The following SCN10A variants were observed in gnomAD, a reference collection of about 807,000 sequenced individuals.
The protein encoded by SCN10A is sodium voltage-gated channel alpha subunit 10.
A neutral mutation model predicts 170.7 loss-of-function variants in SCN10A; 162 were observed. The observed-to-expected ratio is 0.95, with a 90% CI of 0.84 to 1.08. The LOEUF is 1.08. SCN10A is among the 50% of genes least tolerant of loss of function. SCN10A has a pLI of 0.00. For missense variants in SCN10A, 2,527 were observed against 2,436.9 expected (o/e 1.04, Z -0.78); for synonymous variants, 985 against 904.6 (o/e 1.09, Z -1.59).
At chr3:38,737,777 T>TCTCC (rs1301172758) in intron 15 of SCN10A, among the ~76,000 whole-genome samples, 10 of 75,736 alleles carry the variant, frequency 1.3e-4, no homozygotes, top group Non-Finnish European at 1.9e-4. Flanking sequence ...TCCCTCTCTC[T>TCTCC]CTCCCTCCCT....
At chr3:38,725,018 G>A (rs1360307962) in intron 18 of SCN10A, among the ~76,000 whole-genome samples, 156 bp downstream of exon 18, 1 of 152,180 alleles carries the variant, frequency 6.6e-6, no homozygotes, top group Non-Finnish European at 1.5e-5. Context: ...CCGGAGGTTG[G>A]GAGGGACTTT....
At chr3:38,744,820 A>G (rs1403343042) in intron 13 of SCN10A, among the ~76,000 whole-genome samples, 3 of 152,168 alleles carry the variant, frequency 2.0e-5, no homozygotes, top group African/African-American at 7.2e-5. Context: ...TGTTATTACC[A>G]TTTATGTTCA....
rs200761212 is a variant in SCN10A at position 38,698,244 on chromosome 3, G to A, written c.4976C>T (p.Thr1659Met). Reference sequence around the variant, plus strand: ...GAGGAGGCCATCCCAGCCGGCCGACGTGGTAATCTGGAAGAGGCACAGCAT... The same window carrying A: ...GAGGAGGCCATCCCAGCCGGCCGACATGGTAATCTGGAAGAGGCACAGCAT... ...NSMLCLFQIT[T>M]SAGWDGLLSP... The change falls in exon 28 of 28, where the codon ACG becomes ATG. Residue 1659 changes from threonine (T) to methionine (M), a missense_variant. By Grantham distance (81) the Thr-to-Met change is moderately conservative (BLOSUM62 -1). Coordinates refer to ENST00000449082, the MANE Select transcript of SCN10A (RefSeq NM_006514.4). 5.3e-5 allele frequency: 86 copies of A among 1,614,160 alleles called. No homozygotes were observed. Among genetic ancestry groups the A allele is most frequent in the South Asian group, 8.8e-5 (8 of 91,070 alleles).
At chr3:38,789,763 A>C (rs1262989614) in intron 3 of SCN10A, among the ~76,000 whole-genome samples, 1 of 152,096 alleles carries the variant, frequency 6.6e-6, no homozygotes, top group Non-Finnish European at 1.5e-5. Context: ...AGGGATTATC[A>C]AAAGGGGAGG....
At chr3:38,751,402 G>A (rs989666677) in intron 12 of SCN10A, among the ~76,000 whole-genome samples, 1 of 152,176 alleles carries the variant, frequency 6.6e-6, no homozygotes, top group Non-Finnish European at 1.5e-5. Flanking sequence ...TTAGCCCATC[G>A]GAGTGGTCCA....
At chr3:38,731,173 A>G (rs1362720565) in intron 15 of SCN10A, among the ~76,000 whole-genome samples, 2 of 152,210 alleles carry the variant, frequency 1.3e-5, no homozygotes, top group African/African-American at 4.8e-5. Context: ...GCAACAATGG[A>G]GGCTAATTGT....
At chr3:38,802,845 C>T (rs1396174532) in intron 1 of SCN10A, among the ~76,000 whole-genome samples, 1 of 152,090 alleles carries the variant, frequency 6.6e-6, no homozygotes, top group African/African-American at 2.4e-5. Flanking sequence ...AAGAAACTAC[C>T]ATCAGAGTGA....
At position 38,697,182 on chromosome 3, in the gene SCN10A, G is replaced by GT; in HGVS notation, c.*166dup. 9.3e-7 allele frequency: 1 copy of GT among 1,069,730 alleles called. No homozygotes were observed. The highest frequency in any genetic ancestry group is 1.7e-5 in the South Asian group (1 of 58,274). 66.3% of individuals were successfully genotyped at this position (1,069,730 alleles called of 1,614,324 possible). ...TTCTGACTCCTATTTGTGTATGATG[G>GT]TTTTTTCAAAGGTGGTTACCAGTTG... On this transcript the variant is annotated 3_prime_UTR_variant, in exon 28 of 28. Coordinates refer to ENST00000449082, the MANE Select transcript of SCN10A (RefSeq NM_006514.4).
intron 4 of SCN10A, among the ~76,000 whole-genome samples, chr3:38,780,025 A>G (rs1420221833): frequency 6.6e-6 from 1 of 151,910 alleles, no homozygotes; most frequent in Non-Finnish European, 1.5e-5. Flanking sequence ...CATTATATTA[A>G]TTATATTACT....
At chr3:38,776,246 C>A (rs1440142441) in intron 4 of SCN10A, among the ~76,000 whole-genome samples, 1 of 152,100 alleles carries the variant, frequency 6.6e-6, no homozygotes, top group Non-Finnish European at 1.5e-5. Context: ...CCACTTGTCT[C>A]ATGACAAACA....
chr3:38,704,186 C>T (rs139621796), intron 26 of SCN10A, among the ~76,000 whole-genome samples: 2 of 152,126 alleles, frequency 1.3e-5, no homozygotes, highest in African/African-American at 2.4e-5. Context: ...CTGATCCTTG[C>T]CTTCTGCTTC....
At position 38,798,906 on chromosome 3, in the gene SCN10A, C is replaced by G. The variant is rs576772401; in HGVS notation, c.-32-4864G>C. Among the ~76,000 whole-genome samples, 7 of 151,352 alleles carry G rather than the reference C, an allele frequency of 4.6e-5. No individual in the cohort carries two copies. The East Asian group carries it at 1.4e-3, about 30-fold the overall frequency. On this transcript the variant is annotated intron_variant, in intron 1 of 27. Coordinates refer to ENST00000449082, the MANE Select transcript of SCN10A (RefSeq NM_006514.4). ...CCATGTTCAAGTGATCCTCCCACCT[C>G]AGCCTCCCAAGTAGTGGAACTACAG... is the stretch of plus-strand genomic sequence containing the variant.
chr3:38,811,942 C>T (rs7625973), intron 1 of SCN10A, among the ~76,000 whole-genome samples: 71,758 of 152,066 alleles, frequency 0.47, 18,623 homozygotes, highest in African/African-American at 0.7. Flanking sequence ...CAGGATGTCC[C>T]GAGCCCCCTG....
At chr3:38,719,454 C>A (rs1401296715) in intron 20 of SCN10A, among the ~76,000 whole-genome samples, 1 of 130,150 alleles carries the variant, frequency 7.7e-6, no homozygotes, top group Non-Finnish European at 1.6e-5. Flanking sequence ...AGTGCAGTAG[C>A]GGGATCTCGG....
At chr3:38,709,299 A>C (rs1020290389) in intron 25 of SCN10A, among the ~76,000 whole-genome samples, 179 bp downstream of exon 25, 26 of 152,174 alleles carry the variant, frequency 1.7e-4, no homozygotes, top group African/African-American at 5.6e-4. Context: ...GGCATTGCTG[A>C]CAGAGAGAAA....
chr3:38,729,371 A>T (rs969355328), intron 15 of SCN10A, among the ~76,000 whole-genome samples: 1 of 152,102 alleles, frequency 6.6e-6, no homozygotes, highest in African/African-American at 2.4e-5. Flanking sequence ...GGCATTTCTC[A>T]TCTTGGGGCA....
At position 38,793,906 on chromosome 3, in the gene SCN10A, C is replaced by T; in HGVS notation, c.105G>A (p.Lys35=). 5 of 1,614,134 alleles carry T rather than the reference C, an allele frequency of 3.1e-6. No individual in the cohort carries two copies. Among genetic ancestry groups the T allele is most frequent in the Non-Finnish European group, 4.2e-6 (5 of 1,179,966 alleles). ...EKQIAAKQGT[K]KAREKHREQK... is the part of the protein sequence containing the mutation. ...GCTCCCTATGCTTCTCTCTGGCTTT[C>T]TTTGTTCCCTGCTTGGCAGCAATTT... The change falls in exon 2 of 28, where the codon AAG becomes AAA. Residue 35 remains lysine (K), a synonymous_variant. Transcript: ENST00000449082.
chr3:38,808,094 T>C (rs1199780432), intron 1 of SCN10A, among the ~76,000 whole-genome samples: 1 of 152,156 alleles, frequency 6.6e-6, no homozygotes, highest in African/African-American at 2.4e-5. Context: ...TTCATTCACA[T>C]GGCACATAAG....
At chr3:38,784,569 CACAAG>C (rs1249860241) in intron 4 of SCN10A, among the ~76,000 whole-genome samples, 2 of 152,184 alleles carry the variant, frequency 1.3e-5, no homozygotes, top group African/African-American at 4.8e-5. Flanking sequence ...TGAAAACCAG[CACAAG>C]ACAAGAATGC....
Sources: gnomAD v4.1 joint callset for allele counts (sites outside exome capture counted in the v4.1 genomes callset) on GRCh38, gnomAD v4.1.1 for gene constraint, MANE v1.5 for transcripts, NCBI Gene and HGNC (gene_info 2026-07-23, HGNC 2026-07-21) for gene names.